MVP: variants seen among roughly 807,000 people sequenced by gnomAD.
MVP encodes the protein lung resistance-related protein.
MVP carries 62 observed loss-of-function variants against 83.5 expected under a neutral mutation model. That is an observed-to-expected ratio of 0.74 (90% confidence interval 0.61 to 0.92). The LOEUF (loss-of-function observed/expected upper bound fraction) is 0.92. Ranked by LOEUF, MVP falls within the 40% of genes least tolerant of loss-of-function variation. The pLI is 0.00. For missense variants in MVP, 1,000 were observed against 1,203.4 expected (o/e 0.83, Z 2.50); for synonymous variants, 505 against 504.1 (o/e 1.00, Z -0.02).
rs1325192772 is a variant in MVP at position 29,841,876 on chromosome 16, C to T, written c.1436+36C>T. On this transcript the variant is annotated intron_variant, in intron 9 of 14. Transcript: ENST00000357402. This position sits in a 1 kb window ranked among gnomAD's most constrained non-coding sequence, Gnocchi z 4.7. ...GCAGCGCAGGGTGTAGGGGGTGGCT[C>T]TCCATGGGTCTGGCTCTGACCCTCG... 6.2e-7 allele frequency: 1 copy of T among 1,609,896 alleles called. No individual in the cohort carries two copies. Among genetic ancestry groups the T allele is most frequent in the Non-Finnish European group, 8.5e-7 (1 of 1,179,894 alleles).
At chr16:29,843,550 G>A (rs1449571262) in intron 10 of MVP, among the ~76,000 whole-genome samples, 1 of 37,746 alleles carries the variant, frequency 2.6e-5, no homozygotes. Flanking sequence ...GGGAGGAAGG[G>A]AGGGAGGGAG....
chr16:29,838,054 G>A (rs1382556250), intron 7 of MVP, among the ~76,000 whole-genome samples: 2 of 152,116 alleles, frequency 1.3e-5, no homozygotes, highest in Admixed American at 6.6e-5. Context: ...CTGCTGTTAT[G>A]TCAGGAAAGC....
Position 29,844,673 on chromosome 16 carries a change from C to T in MVP, c.1815C>T (p.Gly605=). The T allele has an allele frequency of 6.2e-7, 1 of 1,614,126 alleles. No individual in the cohort carries two copies. Among genetic ancestry groups the T allele is most frequent in the African/African-American group, 1.3e-5 (1 of 75,078 alleles). The change falls in exon 11 of 15, where the codon GGC becomes GGT. Residue 605 remains glycine, a synonymous_variant. Coordinates refer to ENST00000357402, the MANE Select transcript of MVP (RefSeq NM_005115.5). ...SARIIRTAVF[G]FETSEAKGPD... is the part of the protein sequence containing the mutation. ...GCATCATTCGCACTGCTGTCTTTGG[C>T]TTTGAGACCTCGGAAGCGAAGGGCC...
chr16:29,842,284 T>C (rs1374112648), intron 10 of MVP, among the ~76,000 whole-genome samples, 172 bp downstream of exon 10: 1 of 152,020 alleles, frequency 6.6e-6, no homozygotes, highest in Non-Finnish European at 1.5e-5. Flanking sequence ...GTTTTTTGTT[T>C]TTTTAGTTTT....
chr16:29,825,698 C>T (rs75490847), intron 1 of MVP, among the ~76,000 whole-genome samples: 419 of 152,250 alleles, frequency 2.8e-3, no homozygotes, highest in Non-Finnish European at 5.1e-3. Flanking sequence ...CTGAGCTGGG[C>T]GAGGCATTCA....
At chr16:29,823,003 G>T (rs573360821) in intron 1 of MVP, among the ~76,000 whole-genome samples, 1 of 151,414 alleles carries the variant, frequency 6.6e-6, no homozygotes, top group Non-Finnish European at 1.5e-5. Flanking sequence ...CAGCCACTGC[G>T]CCCGGCCTGA....
chr16:29,822,447 T>C (rs2067370021), intron 1 of MVP: 1 of 152,162 alleles, frequency 6.6e-6, no homozygotes, highest in South Asian at 2.1e-4. Flanking sequence ...TGTGACCCAT[T>C]CTCTAAAGAC....
At chr16:29,847,540 G>A (rs2067596081) in intron 14 of MVP, among the ~76,000 whole-genome samples, 155 bp downstream of exon 14, 1 of 152,182 alleles carries the variant, frequency 6.6e-6, no homozygotes. Flanking sequence ...GTGTCACGCT[G>A]CATCAACGTC....
At position 29,830,583 on chromosome 16, in the gene MVP, C is replaced by A. The variant is rs546375716; in HGVS notation, c.34C>A (p.Pro12Thr). 3 of 1,614,068 alleles carry A rather than the reference C, an allele frequency of 1.9e-6. No individual in the cohort carries two copies. In the East Asian group the frequency reaches 6.7e-5, roughly 36 times the overall value. The stretch of plus-strand genomic sequence containing the variant: ...TGAAGAGTTCATCATCCGCATCCCC[C>A]CATACCACTATATCCATGTGCTGGA... ...ATEEFIIRIP[P>T]YHYIHVLDQN... Residue 12 changes from proline (P) to threonine (T), a missense_variant, in exon 2 of 15, where the codon CCA becomes ACA. Pro to Thr is a conservative substitution (Grantham distance 38, BLOSUM62 -1). Transcript: ENST00000357402.
At chr16:29,836,299 G>T (rs1486179444) in intron 6 of MVP, among the ~76,000 whole-genome samples, 1 of 151,634 alleles carries the variant, frequency 6.6e-6, no homozygotes, top group Non-Finnish European at 1.5e-5. Flanking sequence ...AGCCGGTCGG[G>T]TGCAGTGGCT....
intron 14 of MVP, 152 bp from the exon 15 acceptor site, chr16:29,847,610 G>A: frequency 2.1e-6 from 2 of 952,526 alleles, no homozygotes; most frequent in Non-Finnish European, 3.3e-6. Context: ...AAATGGATGG[G>A]ACGCCAGTCT....
At chr16:29,838,918 G>A (rs537812150) in intron 7 of MVP, among the ~76,000 whole-genome samples, 4 of 152,176 alleles carry the variant, frequency 2.6e-5, no homozygotes, top group Admixed American at 6.5e-5. Context: ...TGGACGCAGT[G>A]GCTCACGCCT....
intron 1 of MVP, among the ~76,000 whole-genome samples, chr16:29,826,520 G>A (rs757330641): frequency 1.3e-5 from 2 of 151,996 alleles, no homozygotes; most frequent in African/African-American, 4.8e-5. Context: ...CCAGCTACTC[G>A]GGAGGCTGAG....
Position 29,836,977 on chromosome 16 carries a change from C to G in MVP, c.909+19C>G, listed in dbSNP as rs762879905. On this transcript the variant is annotated intron_variant, in intron 7 of 14. Transcript: ENST00000357402. ...GGTCAAGGTGAGGTCCCTACACCCCCACAGAGGACTGCCCTGGGAGATGTA... is the reference window on the plus strand; with the variant it reads ...GGTCAAGGTGAGGTCCCTACACCCCGACAGAGGACTGCCCTGGGAGATGTA... 3 of 1,593,764 alleles carry G rather than the reference C, an allele frequency of 1.9e-6. No homozygotes were observed. Among genetic ancestry groups the G allele is most frequent in the East Asian group, 2.2e-5 (1 of 44,588 alleles).
intron 1 of MVP, among the ~76,000 whole-genome samples, chr16:29,824,433 C>A (rs946057816): frequency 6.6e-6 from 1 of 151,890 alleles, no homozygotes; most frequent in Non-Finnish European, 1.5e-5. Context: ...CACTGCAGAC[C>A]CCGTAGGCAG....
chr16:29,825,763 G>A (rs531981353), intron 1 of MVP, among the ~76,000 whole-genome samples: 2 of 152,210 alleles, frequency 1.3e-5, no homozygotes, highest in Admixed American at 1.3e-4. Flanking sequence ...CCTCAGCTGT[G>A]GGGGGTGTTG....
chr16:29,823,602 C>G (rs2067381242), intron 1 of MVP, among the ~76,000 whole-genome samples: 1 of 151,992 alleles, frequency 6.6e-6, no homozygotes, highest in South Asian at 2.1e-4. Flanking sequence ...GCCTGTAATC[C>G]CAGCACTTTG....
intron 1 of MVP, among the ~76,000 whole-genome samples, chr16:29,823,881 G>A (rs1286880564): frequency 2.7e-5 from 4 of 150,584 alleles, no homozygotes; most frequent in Non-Finnish European, 4.4e-5. Flanking sequence ...TTTTACAATA[G>A]CAACGGGTGA....
chr16:29,832,731 T>C (rs1376944128), intron 3 of MVP, among the ~76,000 whole-genome samples: 2 of 151,388 alleles, frequency 1.3e-5, no homozygotes, highest in Non-Finnish European at 2.9e-5. Context: ...AATGCTGGGA[T>C]TGCAGGTGTG....
Sources: allele counts gnomAD v4.1 joint callset (sites outside exome capture counted in the v4.1 genomes callset), GRCh38; gene constraint gnomAD v4.1.1; non-coding constraint Gnocchi (gnomAD v3.1); transcripts MANE v1.5; gene names NCBI Gene and HGNC (gene_info 2026-07-23, HGNC 2026-07-21).